IPCEF1: variants seen among roughly 807,000 people sequenced by gnomAD.
IPCEF1 encodes the protein interactor protein for cytohesin exchange factors 1.
IPCEF1 carries 31 observed loss-of-function variants against 50.9 expected under a neutral mutation model. The ratio of observed to expected loss-of-function variants is 0.61; its 90% CI spans 0.46 to 0.82. The LOEUF is 0.82. IPCEF1 is among the 40% of genes least tolerant of loss of function. The pLI is 0.00. For missense variants in IPCEF1, 458 were observed against 514.0 expected (o/e 0.89, Z 1.05); for synonymous variants, 181 against 192.0 (o/e 0.94, Z 0.47).
chr6:154,192,764 G>T (rs187227498), intron 10 of IPCEF1, among the ~76,000 whole-genome samples: 1 of 152,108 alleles, frequency 6.6e-6, no homozygotes, highest in African/African-American at 2.4e-5. Context: ...ACGAAGAAAT[G>T]TTCAATTAGT....
At position 154,289,052 on chromosome 6, in the gene IPCEF1, C is replaced by A. The variant is rs528077406; in HGVS notation, c.-18+661G>T. Among the ~76,000 whole-genome samples, 280 of 152,120 alleles carry A rather than the reference C, an allele frequency of 1.8e-3. 2 individuals carry two copies. Among genetic ancestry groups the A allele is most frequent in the African/African-American group, 6.6e-3 (275 of 41,512 alleles). On this transcript the variant is annotated intron_variant, in intron 2 of 11. Transcript: ENST00000367220. ...ACAAAGTGAGACACTGTCTCAAAAA[C>A]AAACAAACAAACAAGAGTTAAACCA...
At chr6:154,313,745 T>G (rs531155083) in intron 1 of IPCEF1, among the ~76,000 whole-genome samples, 2 of 152,108 alleles carry the variant, frequency 1.3e-5, no homozygotes, top group South Asian at 2.1e-4. Context: ...TTTTTTTGTT[T>G]TGTTTTTTGT....
intron 1 of IPCEF1, among the ~76,000 whole-genome samples, chr6:154,325,697 G>C (rs754491890): frequency 3.9e-5 from 6 of 152,086 alleles, no homozygotes; most frequent in Non-Finnish European, 7.4e-5. Context: ...TTTAATCCTG[G>C]TCAGTCTAGT....
intron 5 of IPCEF1, among the ~76,000 whole-genome samples, chr6:154,235,531 CAAA>C (rs34877577): frequency 2.0e-5 from 2 of 97,590 alleles, no homozygotes; most frequent in African/African-American, 3.7e-5. Flanking sequence ...AACTCTGTCA[CAAA>C]AAAAAAAAAA....
At chr6:154,352,323 T>G (rs964226492) in intron 1 of IPCEF1, among the ~76,000 whole-genome samples, 3 of 152,256 alleles carry the variant, frequency 2.0e-5, no homozygotes, top group African/African-American at 7.2e-5. Flanking sequence ...CTGTTGGGAA[T>G]CCTATCTTGC....
chr6:154,167,881 A>G (rs372456265), intron 11 of IPCEF1, 39 bp downstream of exon 11: 5 of 1,461,234 alleles, frequency 3.4e-6, no homozygotes, highest in Non-Finnish European at 4.7e-6. Context: ...TCCTTGCCCC[A>G]CATCCATAGA....
chr6:154,227,204 A>G (rs768073059), intron 5 of IPCEF1, among the ~76,000 whole-genome samples: 21 of 152,128 alleles, frequency 1.4e-4, no homozygotes, highest in Middle Eastern at 6.9e-3. Context: ...ATTCTGTCTC[A>G]AAACAAACAA....
chr6:154,237,654 A>T (rs1780239747), intron 5 of IPCEF1, among the ~76,000 whole-genome samples: 1 of 152,212 alleles, frequency 6.6e-6, no homozygotes, highest in African/African-American at 2.4e-5. Flanking sequence ...AGACATTTGC[A>T]TCACTGACTT....
intron 7 of IPCEF1, among the ~76,000 whole-genome samples, chr6:154,218,179 A>T (rs1188919268): frequency 6.6e-6 from 1 of 152,216 alleles, no homozygotes; most frequent in Admixed American, 6.5e-5. Flanking sequence ...AAAGAAAATG[A>T]CAGATGTTTC....
At chr6:154,284,150 G>C (rs1007149857) in intron 2 of IPCEF1, among the ~76,000 whole-genome samples, 1 of 152,122 alleles carries the variant, frequency 6.6e-6, no homozygotes, top group Non-Finnish European at 1.5e-5. Flanking sequence ...TAATGATTTT[G>C]TTGGGGAAAA....
intron 3 of IPCEF1, among the ~76,000 whole-genome samples, chr6:154,258,732 TC>T (rs1489921161): frequency 6.6e-6 from 1 of 152,144 alleles, no homozygotes; most frequent in Non-Finnish European, 1.5e-5. Context: ...ATTCCTGGAC[TC>T]CCCGTCTACA....
At chr6:154,175,835 A>T (rs1360842158) in intron 10 of IPCEF1, among the ~76,000 whole-genome samples, 1 of 152,180 alleles carries the variant, frequency 6.6e-6, no homozygotes. Context: ...GGCCAGCATC[A>T]TCCTGATACC....
chr6:154,350,477 G>C (rs567607321), intron 1 of IPCEF1, among the ~76,000 whole-genome samples: 1 of 152,294 alleles, frequency 6.6e-6, no homozygotes, highest in Non-Finnish European at 1.5e-5. Context: ...CAATGATGAA[G>C]TGACTCTACT....
intron 2 of IPCEF1, among the ~76,000 whole-genome samples, chr6:154,288,106 G>A (rs140211177): frequency 1.3e-3 from 202 of 152,252 alleles, no homozygotes; most frequent in African/African-American, 4.6e-3. Context: ...CCAGGACAAC[G>A]GGTTTTAATA....
At chr6:154,213,155 C>G (rs1778104436) in intron 8 of IPCEF1, 2 of 328,072 alleles carry the variant, frequency 6.1e-6, no homozygotes, top group Admixed American at 4.2e-5. Flanking sequence ...ACCAAGAGAA[C>G]ACAAAATCAG....
chr6:154,251,441 T>A (rs566525663), intron 3 of IPCEF1, among the ~76,000 whole-genome samples: 22 of 152,240 alleles, frequency 1.4e-4, no homozygotes, highest in African/African-American at 5.3e-4. Flanking sequence ...AATAATCATA[T>A]CATGCTCGCA....
At chr6:154,352,568 C>T (rs543241892) in intron 1 of IPCEF1, among the ~76,000 whole-genome samples, 4 of 152,358 alleles carry the variant, frequency 2.6e-5, no homozygotes, top group East Asian at 3.9e-4. Context: ...CCTGTCTTTG[C>T]TCACATTTGT....
At position 154,234,026 on chromosome 6, in the gene IPCEF1, C is replaced by T. The variant is rs145271568; in HGVS notation, c.247-10783G>A. Reference sequence around the variant, plus strand: ...GAGTTCAAGACCAGCCTGGGCAACACAGTGAGACATCTGTCTTAAAAACAT... The same window carrying T: ...GAGTTCAAGACCAGCCTGGGCAACATAGTGAGACATCTGTCTTAAAAACAT... On this transcript the variant is annotated intron_variant, in intron 5 of 11. Transcript: ENST00000367220. Among the ~76,000 whole-genome samples the T allele has an allele frequency of 4.5e-3, 682 of 152,186 alleles. 7 individuals are homozygous for T. Among genetic ancestry groups the T allele is most frequent in the African/African-American group, 0.016 (657 of 41,526 alleles).
intron 1 of IPCEF1, among the ~76,000 whole-genome samples, chr6:154,330,325 C>CT (rs138406253): frequency 0.05 from 4,432 of 89,198 alleles, 313 homozygotes; most frequent in Non-Finnish European, 0.061. Flanking sequence ...ATTATAGCCT[C>CT]TTTTTTTTTT....
Sources: gnomAD v4.1 joint callset for allele counts (sites outside exome capture counted in the v4.1 genomes callset) on GRCh38, gnomAD v4.1.1 for gene constraint, MANE v1.5 for transcripts, NCBI Gene and HGNC (gene_info 2026-07-23, HGNC 2026-07-21) for gene names.